Variants in GRID2 observed in about 807,000 individuals in gnomAD.
The protein encoded by GRID2 is glutamate ionotropic receptor delta type subunit 2.
Under a neutral mutation model 114.8 loss-of-function variants are expected in GRID2, and 33 were observed. That is an observed-to-expected ratio of 0.29 (90% CI 0.22 to 0.38). GRID2 has a LOEUF of 0.38. Among genes scored for constraint, GRID2 ranks in the 10% least tolerant of loss-of-function variants. The probability of loss-of-function intolerance (pLI) is 1.00; values close to 1 mark genes in which losing one functional copy is unlikely to be tolerated. For missense variants in GRID2, 1,184 were observed against 1,257.7 expected (o/e 0.94, Z 0.89); for synonymous variants, 505 against 449.9 (o/e 1.12, Z -1.55).
Position 93,000,886 on chromosome 4 carries a change from C to G in GRID2, c.245-84109C>G, listed in dbSNP as rs556109578. 5.2e-4 allele frequency among the ~76,000 whole-genome samples: 79 copies of G among 151,416 alleles called. No individual in the cohort carries two copies. In the South Asian group the frequency reaches 0.016, roughly 30 times the overall value. The stretch of plus-strand genomic sequence containing the variant: ...TTCACTATTTGGGTGAAGTCCAAAC[C>G]TCAGTAATACACAATACACCCATGT... On this transcript the variant is annotated intron_variant, in intron 2 of 15. Transcript: ENST00000282020.
chr4:92,576,522 A>C (rs1597492), intron 1 of GRID2, among the ~76,000 whole-genome samples: 6 of 152,228 alleles, frequency 3.9e-5, no homozygotes, highest in African/African-American at 1.4e-4. Flanking sequence ...CTTCCTAGGG[A>C]CATCTCCTAG....
At chr4:93,803,110 G>A (rs1311772179) in intron 1 of GRID2, among the ~76,000 whole-genome samples, 1 of 152,106 alleles carries the variant, frequency 6.6e-6, no homozygotes, top group African/African-American at 2.4e-5. Flanking sequence ...TAGCCTGAAG[G>A]AACTACAGTG....
chr4:93,338,480 A>G (rs1759312864), intron 8 of GRID2, among the ~76,000 whole-genome samples: 1 of 152,212 alleles, frequency 6.6e-6, no homozygotes, highest in African/African-American at 2.4e-5. Context: ...ATCATTCTCA[A>G]GAATGTAGAT....
chr4:93,003,711 T>C (rs1721232722), intron 2 of GRID2, among the ~76,000 whole-genome samples: 1 of 151,934 alleles, frequency 6.6e-6, no homozygotes, highest in African/African-American at 2.4e-5. Context: ...GCTGTGTCTT[T>C]ATAGAATGCT....
At chr4:93,296,654 A>T (rs1353669086) in intron 8 of GRID2, among the ~76,000 whole-genome samples, 2 of 152,222 alleles carry the variant, frequency 1.3e-5, no homozygotes, top group African/African-American at 4.8e-5. Flanking sequence ...GGCCATGTAT[A>T]TCTATTCATT....
intron 2 of GRID2, among the ~76,000 whole-genome samples, chr4:92,682,462 A>T (rs1485956576): frequency 6.6e-6 from 1 of 152,160 alleles, no homozygotes; most frequent in Admixed American, 6.5e-5. Context: ...ATCTACAGTA[A>T]GCTTTGAGAA....
Position 92,667,157 on chromosome 4 carries a change from T to C in GRID2, c.244+76871T>C, listed in dbSNP as rs182570325. On this transcript the variant is annotated intron_variant, in intron 2 of 15. Coordinates refer to ENST00000282020, the MANE Select transcript of GRID2 (RefSeq NM_001510.4). ...ACCACTAAAGCCTTCCCCTAGAAGA[T>C]ACAAGCCTTTATAGCATTCTAAATA... 2.0e-5 allele frequency among the ~76,000 whole-genome samples: 3 copies of C among 151,788 alleles called. No homozygotes were observed. In the Admixed American group the frequency reaches 2.0e-4, roughly 10 times the overall value.
chr4:92,621,135 G>T (rs1302358012), intron 2 of GRID2, among the ~76,000 whole-genome samples: 3 of 151,688 alleles, frequency 2.0e-5, no homozygotes, highest in Admixed American at 6.6e-5. Flanking sequence ...GTGAATTGCT[G>T]CACAGACCAT....
chr4:92,608,042 G>A (rs899112191), intron 2 of GRID2, among the ~76,000 whole-genome samples: 6 of 151,782 alleles, frequency 4.0e-5, no homozygotes, highest in African/African-American at 1.4e-4. Flanking sequence ...TTTCCTTTCT[G>A]AAAGGAGAAA....
Position 93,501,823 on chromosome 4 carries a change from T to A in GRID2, c.1997+11046T>A, listed in dbSNP as rs142832827. Among the ~76,000 whole-genome samples, 343 of 152,188 alleles carry A rather than the reference T, an allele frequency of 2.3e-3. 2 individuals are homozygous for A. The South Asian group carries it at 0.033, about 15-fold the overall frequency. ...TAAAATAATCTTCTTCTGAACAAGA[T>A]GAATCATTCTAGACAAATCAAATCC... On this transcript the variant is annotated intron_variant, in intron 12 of 15. Transcript: ENST00000282020.
At chr4:92,399,277 T>C (rs560749476) in intron 1 of GRID2, among the ~76,000 whole-genome samples, 19 of 152,278 alleles carry the variant, frequency 1.2e-4, no homozygotes, top group African/African-American at 4.1e-4. Flanking sequence ...TTTGTGTTTG[T>C]GCTCCATTGA....
intron 2 of GRID2, among the ~76,000 whole-genome samples, chr4:92,626,283 T>G (rs1468417018): frequency 6.6e-6 from 1 of 151,956 alleles, no homozygotes; most frequent in Non-Finnish European, 1.5e-5. Context: ...TTAACAAGGT[T>G]TTAATCATTA....
chr4:92,916,139 T>C (rs1370564837), intron 2 of GRID2, among the ~76,000 whole-genome samples: 1 of 152,152 alleles, frequency 6.6e-6, no homozygotes, highest in African/African-American at 2.4e-5. Flanking sequence ...GTGAAATTTT[T>C]CCTGTGCCTA....
chr4:93,287,285 T>G lies in GRID2; in HGVS notation c.1245+48795T>G, dbSNP rs891904967. ...ACTATTTATGAGAGAAAGTCTGGAT[T>G]AGAAAGGTGGGAAGAAGGAAGTATC... On this transcript the variant is annotated intron_variant, in intron 8 of 15. Transcript: ENST00000282020. 2.0e-5 allele frequency among the ~76,000 whole-genome samples: 3 copies of G among 152,250 alleles called. No individual in the cohort carries two copies. The East Asian group carries it at 5.8e-4, about 29-fold the overall frequency.
At chr4:93,022,227 C>T (rs1197154885) in intron 2 of GRID2, among the ~76,000 whole-genome samples, 2 of 151,736 alleles carry the variant, frequency 1.3e-5, no homozygotes, top group African/African-American at 2.4e-5. Context: ...CAAACACACA[C>T]ATATATATAT....
chr4:93,361,128 T>G (rs1761845083), intron 8 of GRID2, among the ~76,000 whole-genome samples: 1 of 152,082 alleles, frequency 6.6e-6, no homozygotes, highest in African/African-American at 2.4e-5. Flanking sequence ...ATTACTAAAT[T>G]TTTTTACATG....
intron 4 of GRID2, among the ~76,000 whole-genome samples, chr4:93,136,921 T>A (rs1735310557): frequency 6.6e-6 from 1 of 152,212 alleles, no homozygotes; most frequent in Non-Finnish European, 1.5e-5. Flanking sequence ...AACTCTTGCT[T>A]TCCTTTAAGA....
At chr4:92,872,997 C>T (rs1165788003) in intron 2 of GRID2, among the ~76,000 whole-genome samples, 1 of 152,044 alleles carries the variant, frequency 6.6e-6, no homozygotes, top group African/African-American at 2.4e-5. Flanking sequence ...TGGATTAGTA[C>T]CCAAGATGGA....
chr4:93,062,117 G>A (rs1727861241), intron 2 of GRID2, among the ~76,000 whole-genome samples: 1 of 152,024 alleles, frequency 6.6e-6, no homozygotes, highest in South Asian at 2.1e-4. Flanking sequence ...TTTATTCCCA[G>A]GAGCTATATA....
Sources: allele counts gnomAD v4.1 joint callset (sites outside exome capture counted in the v4.1 genomes callset), GRCh38; gene constraint gnomAD v4.1.1; transcripts MANE v1.5; gene names NCBI Gene and HGNC (gene_info 2026-07-23, HGNC 2026-07-21).